Variants in ADARB2 observed in about 807,000 individuals in gnomAD.
ADARB2 encodes adenosine deaminase RNA specific B2 (inactive), also known as inactive double-stranded RNA-specific editase B2.
Under a neutral mutation model 62.2 loss-of-function variants are expected in ADARB2, and 25 were observed. The ratio of observed to expected loss-of-function variants is 0.40; its 90% CI spans 0.29 to 0.56. The LOEUF (loss-of-function observed/expected upper bound fraction) is 0.56. ADARB2 is among the 20% of genes least tolerant of loss of function. The pLI, the probability that ADARB2 is intolerant of heterozygous loss-of-function variation, is 0.43. For synonymous variants in ADARB2, 572 were observed against 500.8 expected (o/e 1.14, Z -1.90); for missense variants, 1,071 against 1,077.4 (o/e 0.99, Z 0.08).
chr10:1,617,359 C>T (rs77517002), intron 1 of ADARB2, among the ~76,000 whole-genome samples: 6 of 65,480 alleles, frequency 9.2e-5, no homozygotes, highest in East Asian at 6.2e-4. Flanking sequence ...CCTCAGAGGG[C>T]TGCATTCTGT....
intron 3 of ADARB2, among the ~76,000 whole-genome samples, chr10:1,311,803 T>C (rs1213801305): frequency 1.3e-5 from 2 of 152,212 alleles, no homozygotes; most frequent in Non-Finnish European, 2.9e-5. Context: ...CGCCCTATGA[T>C]GATGGAAGCT....
intron 6 of ADARB2, among the ~76,000 whole-genome samples, chr10:1,217,400 C>T (rs1029161974): frequency 6.6e-6 from 1 of 152,220 alleles, no homozygotes; most frequent in African/African-American, 2.4e-5. Flanking sequence ...GCCTCTGTTG[C>T]GTGAGTGCAG....
At chr10:1,627,145 C>T (rs1224580563) in intron 1 of ADARB2, among the ~76,000 whole-genome samples, 3 of 152,160 alleles carry the variant, frequency 2.0e-5, no homozygotes, top group Non-Finnish European at 2.9e-5. Context: ...GTTAGCTCCT[C>T]GAGCACCGAG....
chr10:1,488,262 C>T (rs1381921945), intron 1 of ADARB2, among the ~76,000 whole-genome samples: 1 of 151,304 alleles, frequency 6.6e-6, no homozygotes, highest in East Asian at 2.0e-4. Context: ...CTACAGTTGG[C>T]ACTGCCTTTT....
At chr10:1,693,855 A>C (rs10903541) in intron 1 of ADARB2, among the ~76,000 whole-genome samples, 2 of 152,114 alleles carry the variant, frequency 1.3e-5, no homozygotes, top group East Asian at 3.8e-4. Flanking sequence ...TAAATAATCA[A>C]TTAGGGCATT....
intron 1 of ADARB2, among the ~76,000 whole-genome samples, chr10:1,715,705 CAA>C (rs1564202843): frequency 6.6e-6 from 1 of 152,162 alleles, no homozygotes; most frequent in East Asian, 1.9e-4. Context: ...AAAACAAAAA[CAA>C]AAACAGGTAT....
At chr10:1,427,443 TA>T (rs1293051227) in intron 1 of ADARB2, among the ~76,000 whole-genome samples, 1 of 152,228 alleles carries the variant, frequency 6.6e-6, no homozygotes, top group African/African-American at 2.4e-5. Flanking sequence ...CTGAAGATGA[TA>T]TACAGTTGGC....
intron 1 of ADARB2, among the ~76,000 whole-genome samples, chr10:1,590,782 G>A (rs78106836): frequency 0.032 from 4,885 of 152,256 alleles, 269 homozygotes; most frequent in African/African-American, 0.11. Flanking sequence ...GGTGGACGGT[G>A]GACGGTTTCA....
intron 1 of ADARB2, among the ~76,000 whole-genome samples, chr10:1,515,127 C>G (rs1373988776): frequency 6.6e-6 from 1 of 152,160 alleles, no homozygotes; most frequent in Admixed American, 6.5e-5. Flanking sequence ...GATAGTGCAA[C>G]ATCATTAACA....
At chr10:1,328,067 G>GTT (rs1831892849) in intron 3 of ADARB2, among the ~76,000 whole-genome samples, 2 of 97,604 alleles carry the variant, frequency 2.0e-5, no homozygotes, top group South Asian at 5.9e-4. Flanking sequence ...ATGCGAGGAA[G>GTT]CCTTACAGTA....
chr10:1,292,895 G>C (rs1357287923), intron 3 of ADARB2: 3 of 151,110 alleles, frequency 2.0e-5, no homozygotes, highest in Admixed American at 6.6e-5. Flanking sequence ...AGTAACTGGA[G>C]GGGAAAATCC....
chr10:1,254,036 C>T (rs560680069), intron 4 of ADARB2, among the ~76,000 whole-genome samples: 22 of 150,270 alleles, frequency 1.5e-4, no homozygotes, highest in Admixed American at 5.3e-4. Context: ...GCAGAGGGCT[C>T]GGTGGTTAGG....
intron 1 of ADARB2, among the ~76,000 whole-genome samples, chr10:1,509,066 C>G (rs905195241): frequency 1.3e-5 from 2 of 152,144 alleles, no homozygotes; most frequent in African/African-American, 2.4e-5. Context: ...CGGGAGGAGC[C>G]GGTCCATCTA....
At chr10:1,626,882 G>A (rs990612236) in intron 1 of ADARB2, among the ~76,000 whole-genome samples, 2 of 152,004 alleles carry the variant, frequency 1.3e-5, no homozygotes, top group Admixed American at 1.3e-4. Context: ...AACATGTATC[G>A]GTTTCTGCTG....
intron 1 of ADARB2, among the ~76,000 whole-genome samples, chr10:1,735,636 G>A (rs1251263093): frequency 6.6e-6 from 1 of 152,154 alleles, no homozygotes; most frequent in Non-Finnish European, 1.5e-5. Flanking sequence ...GACACTAACA[G>A]GTCTGTTTCA....
chr10:1,211,895 G>A (rs1224487262), intron 7 of ADARB2, among the ~76,000 whole-genome samples: 1 of 152,218 alleles, frequency 6.6e-6, no homozygotes, highest in East Asian at 1.9e-4. Flanking sequence ...TTAGTTCTAA[G>A]TTTATGTAAT....
intron 1 of ADARB2, among the ~76,000 whole-genome samples, chr10:1,571,627 C>A (rs571494095): frequency 4.6e-5 from 7 of 152,058 alleles, no homozygotes; most frequent in Non-Finnish European, 8.8e-5. Flanking sequence ...AGAGTGCAGG[C>A]GAGCAGGCAG....
intron 1 of ADARB2, among the ~76,000 whole-genome samples, chr10:1,693,310 G>A (rs1446518634): frequency 6.6e-6 from 1 of 152,134 alleles, no homozygotes; most frequent in East Asian, 1.9e-4. Flanking sequence ...AGGCCGCCAT[G>A]TCTAGCCTTG....
chr10:1,466,487 C>A (rs533467804), intron 1 of ADARB2, among the ~76,000 whole-genome samples: 3 of 152,292 alleles, frequency 2.0e-5, no homozygotes, highest in East Asian at 3.9e-4. Flanking sequence ...TTGCGACGGC[C>A]GCACACATGG....
Sources: gnomAD v4.1 joint callset for allele counts (sites outside exome capture counted in the v4.1 genomes callset) on GRCh38, gnomAD v4.1.1 for gene constraint, MANE v1.5 for transcripts, NCBI Gene and HGNC (gene_info 2026-07-23, HGNC 2026-07-21) for gene names.